Variants in PHKB observed in about 807,000 individuals in gnomAD.
The protein encoded by PHKB is phosphorylase kinase regulatory subunit beta.
PHKB carries 122 observed loss-of-function variants against 152.1 expected under a neutral mutation model. The ratio of observed to expected loss-of-function variants is 0.80; its 90% CI spans 0.69 to 0.93. PHKB has a LOEUF of 0.93. Ranked by LOEUF, PHKB falls within the 40% of genes least tolerant of loss-of-function variation. The pLI is 0.00. For synonymous variants in PHKB, 436 were observed against 464.9 expected (o/e 0.94, Z 0.80); for missense variants, 1,304 against 1,328.4 (o/e 0.98, Z 0.29).
At chr16:47,679,056 G>A (rs1973794360) in intron 26 of PHKB, among the ~76,000 whole-genome samples, 1 of 152,154 alleles carries the variant, frequency 6.6e-6, no homozygotes, top group South Asian at 2.1e-4. Context: ...GTTTTTGTCA[G>A]GTTTGTCAAA....
At chr16:47,574,903 G>C (rs1971724208) in intron 7 of PHKB, among the ~76,000 whole-genome samples, 1 of 152,118 alleles carries the variant, frequency 6.6e-6, no homozygotes, top group Non-Finnish European at 1.5e-5. Context: ...ACCTTTCTCA[G>C]CTATATTCTT....
chr16:47,508,642 G>C (rs1273512343), intron 4 of PHKB, among the ~76,000 whole-genome samples: 1 of 151,910 alleles, frequency 6.6e-6, no homozygotes, highest in Admixed American at 6.6e-5. Flanking sequence ...AAAGTTTTCA[G>C]GAAAAATCTA....
At chr16:47,697,195 A>G (rs1388418428) in intron 29 of PHKB, among the ~76,000 whole-genome samples, 2 of 152,200 alleles carry the variant, frequency 1.3e-5, no homozygotes, top group Admixed American at 6.5e-5. Flanking sequence ...GTGTTTCTCA[A>G]GGGTAGATAA....
At position 47,660,499 on chromosome 16, in the gene PHKB, G is replaced by A. The variant is rs765332910; in HGVS notation, c.1972-7G>A. ...AGAGTTTCTAATCTTTTTCGATCAC[G>A]TTTCAGACACTAATATCTGGAGCTG... On this transcript the variant is annotated splice_region_variant and splice_polypyrimidine_tract_variant and intron_variant, in intron 20 of 30. Transcript: ENST00000323584. 5.7e-5 allele frequency: 92 copies of A among 1,611,254 alleles called. No homozygotes were observed. The highest frequency in any genetic ancestry group is 5.8e-5 in the Non-Finnish European group (68 of 1,177,638).
Position 47,587,729 on chromosome 16 carries a change from T to C in PHKB, c.836T>C (p.Leu279Ser), listed in dbSNP as rs1363296808. The change falls in exon 9 of 31, where the codon TTG becomes TCG. Residue 279 changes from leucine (L) to serine (S), a missense_variant. Transcript: ENST00000323584. ...LDAHNRNRQT[L>S]CSLLPRESRS... ...GCTCACAATCGCAACAGGCAAACTT[T>C]GTGCTCGCTGTTACCCAGAGAATCA... 1.2e-6 allele frequency: 2 copies of C among 1,613,420 alleles called. No individual in the cohort carries two copies. The highest frequency in any genetic ancestry group is 1.3e-5 in the African/African-American group (1 of 74,920).
chr16:47,551,017 G>A (rs1971261455), intron 7 of PHKB, among the ~76,000 whole-genome samples: 1 of 152,174 alleles, frequency 6.6e-6, no homozygotes. Flanking sequence ...GGTGTTTATA[G>A]TATTCTCTGA....
At chr16:47,615,020 G>A (rs1217152663) in intron 14 of PHKB, among the ~76,000 whole-genome samples, 1 of 152,172 alleles carries the variant, frequency 6.6e-6, no homozygotes, top group East Asian at 1.9e-4. Flanking sequence ...GTTAACAATT[G>A]TTTTACTTCA....
chr16:47,567,919 G>A (rs919596350), intron 7 of PHKB, among the ~76,000 whole-genome samples: 20 of 152,048 alleles, frequency 1.3e-4, no homozygotes, highest in African/African-American at 3.1e-4. Flanking sequence ...TCTTTTCAAC[G>A]CGCTGTTGGA....
chr16:47,596,761 T>C (rs1476124951), intron 13 of PHKB, among the ~76,000 whole-genome samples: 1 of 152,108 alleles, frequency 6.6e-6, no homozygotes, highest in Non-Finnish European at 1.5e-5. Flanking sequence ...TTTGTGATCA[T>C]TTAGGGGGCT....
chr16:47,569,153 C>G (rs1343375250), intron 7 of PHKB, among the ~76,000 whole-genome samples: 2 of 152,144 alleles, frequency 1.3e-5, no homozygotes, highest in Non-Finnish European at 1.5e-5. Flanking sequence ...TGCTGTCTAC[C>G]TCTCTTCTTA....
intron 1 of PHKB, among the ~76,000 whole-genome samples, chr16:47,468,252 T>C (rs1969703697): frequency 6.6e-6 from 1 of 152,220 alleles, no homozygotes; most frequent in Admixed American, 6.5e-5. Context: ...CTCATTCTTA[T>C]CTCACTACAG....
At chr16:47,498,416 G>A (rs1970269361) in intron 2 of PHKB, among the ~76,000 whole-genome samples, 2 of 152,144 alleles carry the variant, frequency 1.3e-5, no homozygotes, top group South Asian at 4.1e-4. Flanking sequence ...GGTGGCTCAC[G>A]CCTGTAATCC....
At chr16:47,480,771 C>T (rs193147802) in intron 1 of PHKB, among the ~76,000 whole-genome samples, 41 of 152,096 alleles carry the variant, frequency 2.7e-4, no homozygotes, top group Non-Finnish European at 2.9e-5. Flanking sequence ...TTTTAATAGA[C>T]GTAATGTTCA....
chr16:47,544,252 G>A (rs1971116972), intron 6 of PHKB, among the ~76,000 whole-genome samples: 1 of 152,184 alleles, frequency 6.6e-6, no homozygotes, highest in African/African-American at 2.4e-5. Flanking sequence ...TCTACATACT[G>A]CTTTAAGTGT....
intron 26 of PHKB, among the ~76,000 whole-genome samples, chr16:47,669,750 C>T (rs1007701566): frequency 1.3e-5 from 2 of 152,152 alleles, no homozygotes; most frequent in Non-Finnish European, 2.9e-5. Context: ...ATGGATAGGC[C>T]TTAAGAGAAG....
chr16:47,588,820 G>A, intron 9 of PHKB, 85 bp from the exon 10 acceptor site: 2 of 1,178,512 alleles, frequency 1.7e-6, no homozygotes, highest in South Asian at 2.5e-5. Context: ...TAACCTCACT[G>A]GCTTTTCATC....
chr16:47,566,881 T>C (rs1457318992), intron 7 of PHKB: 2 of 689,118 alleles, frequency 2.9e-6, no homozygotes, highest in Non-Finnish European at 5.3e-6. Flanking sequence ...TTCTTCTTTT[T>C]TGCTTAGTTC....
At chr16:47,464,172 T>C in intron 1 of PHKB, 2 of 619,410 alleles carry the variant, frequency 3.2e-6, no homozygotes, top group South Asian at 3.7e-5. Context: ...GCCTATTGTG[T>C]TCTTCTCATG....
intron 10 of PHKB, among the ~76,000 whole-genome samples, chr16:47,591,937 G>A (rs540072821): frequency 6.6e-6 from 1 of 152,268 alleles, no homozygotes; most frequent in African/African-American, 2.4e-5. Flanking sequence ...GTTTAGGCTA[G>A]TGGATCTGGG....
Sources: allele counts gnomAD v4.1 joint callset (sites outside exome capture counted in the v4.1 genomes callset), GRCh38; gene constraint gnomAD v4.1.1; transcripts MANE v1.5; gene names NCBI Gene and HGNC (gene_info 2026-07-23, HGNC 2026-07-21).